DHRSX: variants seen among roughly 807,000 people sequenced by gnomAD.
The protein encoded by DHRSX is dehydrogenase/reductase X-linked.
In DHRSX, 31 loss-of-function variants were observed where a neutral mutation model predicts 34.0. The ratio of observed to expected loss-of-function variants is 0.91; its 90% CI spans 0.69 to 1.23. The LOEUF (loss-of-function observed/expected upper bound fraction) is 1.23, where lower values mean the gene tolerates loss of function less well. Among genes scored for constraint, DHRSX ranks in the 50% most tolerant of loss-of-function variants. The pLI, the probability that DHRSX is intolerant of heterozygous loss-of-function variation, is 0.00. For synonymous variants in DHRSX, 201 were observed against 183.8 expected, an observed-to-expected ratio of 1.09 and a Z score of -0.76; for missense variants, 414 against 428.1, an observed-to-expected ratio of 0.97 and a Z score of 0.29.
chrX:2,325,557 C>A (rs763886094), intron 3 of DHRSX, among the ~76,000 whole-genome samples: 1 of 151,042 alleles, frequency 6.6e-6, no homozygotes, highest in Non-Finnish European at 1.5e-5. Context: ...ATTTGCATAA[C>A]CGATTAGGGT....
At chrX:2,400,646 G>C (rs1401424909) in intron 3 of DHRSX, among the ~76,000 whole-genome samples, 2 of 152,162 alleles carry the variant, frequency 1.3e-5, no homozygotes, top group Non-Finnish European at 2.9e-5. Flanking sequence ...GATTTTAGCA[G>C]GGACAGGCGA....
intron 2 of DHRSX, among the ~76,000 whole-genome samples, chrX:2,413,085 C>G (rs1370605116): frequency 6.6e-6 from 1 of 152,142 alleles, no homozygotes; most frequent in Non-Finnish European, 1.5e-5. Flanking sequence ...GTCCCAGCTA[C>G]TCAGGAGGCT....
At chrX:2,239,139 G>A (rs926155817) in intron 6 of DHRSX, among the ~76,000 whole-genome samples, 25 of 152,166 alleles carry the variant, frequency 1.6e-4, no homozygotes, top group East Asian at 9.6e-4. Flanking sequence ...GCAATGCCCC[G>A]TGGTTATTTT....
chrX:2,408,867 T>A, intron 2 of DHRSX, 54 bp from the exon 3 acceptor site: 1 of 1,402,386 alleles, frequency 7.1e-7, no homozygotes, highest in Non-Finnish European at 9.6e-7. Flanking sequence ...ATCCAGAAAC[T>A]ATTAACTGCA....
At chrX:2,396,588 G>A (rs2043413985) in intron 3 of DHRSX, among the ~76,000 whole-genome samples, 1 of 151,636 alleles carries the variant, frequency 6.6e-6, no homozygotes, top group South Asian at 2.1e-4. Context: ...ATGTTGGCCA[G>A]GCTGGTCTCG....
intron 3 of DHRSX, among the ~76,000 whole-genome samples, chrX:2,297,216 G>A (rs922470849): frequency 4.6e-5 from 7 of 152,198 alleles, no homozygotes; most frequent in African/African-American, 1.4e-4. Flanking sequence ...TCCACCTCCC[G>A]AATTCAAGCG....
At chrX:2,271,607 G>A (rs1212633590) in intron 4 of DHRSX, among the ~76,000 whole-genome samples, 1 of 152,154 alleles carries the variant, frequency 6.6e-6, no homozygotes, top group African/African-American at 2.4e-5. Flanking sequence ...CCAACTGGGA[G>A]GGATCCAATA....
chrX:2,258,389 G>A (rs1250298728), intron 5 of DHRSX, among the ~76,000 whole-genome samples: 2 of 152,070 alleles, frequency 1.3e-5, no homozygotes, highest in Admixed American at 1.3e-4. Context: ...TAGCGTCCAG[G>A]ACTGTGAGAG....
chrX:2,370,693 C>T (rs1603017925), intron 3 of DHRSX, among the ~76,000 whole-genome samples: 1 of 151,980 alleles, frequency 6.6e-6, no homozygotes, highest in South Asian at 2.1e-4. Flanking sequence ...TCTTTATTTG[C>T]CCCTTCAGGG....
At chrX:2,367,477 A>G (rs182781597) in intron 3 of DHRSX, among the ~76,000 whole-genome samples, 6 of 152,112 alleles carry the variant, frequency 3.9e-5, no homozygotes, top group Admixed American at 3.9e-4. Flanking sequence ...GAACGATGCT[A>G]CATTCTCAGA....
intron 3 of DHRSX, among the ~76,000 whole-genome samples, chrX:2,321,160 C>T (rs1468996490): frequency 2.0e-5 from 3 of 152,062 alleles, no homozygotes; most frequent in Non-Finnish European, 4.4e-5. Flanking sequence ...GGGATGGGAG[C>T]ATTTATATAA....
At chrX:2,423,423 T>A (rs2043805811) in intron 2 of DHRSX, among the ~76,000 whole-genome samples, 1 of 150,488 alleles carries the variant, frequency 6.6e-6, no homozygotes, top group Non-Finnish European at 1.5e-5. Flanking sequence ...AAAAAAACAA[T>A]AATAAATAAA....
intron 1 of DHRSX, among the ~76,000 whole-genome samples, chrX:2,497,476 C>G (rs2045313240): frequency 2.0e-5 from 3 of 152,040 alleles, no homozygotes; most frequent in African/African-American, 7.2e-5. Context: ...CTCATAAAAC[C>G]AACAAGAATT....
At chrX:2,260,183 C>T (rs112038352) in intron 5 of DHRSX, among the ~76,000 whole-genome samples, 7,685 of 151,696 alleles carry the variant, frequency 0.051, 313 homozygotes, top group Non-Finnish European at 0.082. Flanking sequence ...TCCAAGAACA[C>T]CTGTCATTCC....
intron 4 of DHRSX, among the ~76,000 whole-genome samples, chrX:2,282,876 AGAGAGGGAGG>A (rs1238660421): frequency 2.6e-4 from 33 of 128,070 alleles, no homozygotes; most frequent in African/African-American, 1.0e-3. Context: ...AGAGAGGGGG[AGAGAGGGAGG>A]GAGGAGGGAG....
At position 2,231,453 on chromosome X, in the gene DHRSX, CTCTT is replaced by C. The variant is rs1364041562; in HGVS notation, c.805-10228_805-10225del. 1.8e-4 allele frequency among the ~76,000 whole-genome samples: 27 copies of C among 149,196 alleles called. 1 individual carries two copies. The South Asian group carries it at 5.9e-3, about 33-fold the overall frequency. On this transcript the variant is annotated intron_variant, in intron 6 of 6. Transcript: ENST00000334651. ...TTTTTCTCTTTTTCTCTCTCTATTC[CTCTT>C]TCTCTTCCTCCCCCATCTTATCCTC... is the stretch of plus-strand genomic sequence containing the variant.
intron 3 of DHRSX, among the ~76,000 whole-genome samples, chrX:2,304,223 G>A (rs866359885): frequency 1.1e-4 from 15 of 131,468 alleles, no homozygotes; most frequent in South Asian, 2.6e-4. Context: ...ATGGATGGAT[G>A]GATGGATGGA....
chrX:2,373,815 G>T (rs2043109124), intron 3 of DHRSX, among the ~76,000 whole-genome samples: 10 of 152,278 alleles, frequency 6.6e-5, no homozygotes, highest in Admixed American at 5.2e-4. Context: ...ATCCGGCCAG[G>T]AAATAGAGGT....
chrX:2,476,510 A>G (rs2044681989), intron 1 of DHRSX, among the ~76,000 whole-genome samples: 1 of 152,144 alleles, frequency 6.6e-6, no homozygotes, highest in African/African-American at 2.4e-5. Flanking sequence ...AAAATTCCCA[A>G]TGCTCTTAAT....
Sources: allele counts gnomAD v4.1 joint callset (sites outside exome capture counted in the v4.1 genomes callset), GRCh38; gene constraint gnomAD v4.1.1; transcripts MANE v1.5; gene names NCBI Gene and HGNC (gene_info 2026-07-23, HGNC 2026-07-21).